PPARGC1A: variants seen among roughly 807,000 people sequenced by gnomAD.
The protein encoded by PPARGC1A is peroxisome proliferator-activated receptor gamma coactivator 1-alpha.
PPARGC1A carries 25 observed loss-of-function variants against 88.7 expected under a neutral mutation model. The observed-to-expected ratio is 0.28, with a 90% confidence interval of 0.21 to 0.39. The LOEUF (loss-of-function observed/expected upper bound fraction) is 0.39, where lower values mean the gene tolerates loss of function less well. PPARGC1A is among the 10% of genes least tolerant of loss of function. PPARGC1A has a pLI of 1.00. For synonymous variants in PPARGC1A, 363 were observed against 355.6 expected (o/e 1.02, Z -0.24); for missense variants, 880 against 968.7 (o/e 0.91, Z 1.22).
At chr4:23,812,610 T>C in intron 10 of PPARGC1A, 137 bp downstream of exon 10, 1 of 1,377,586 alleles carries the variant, frequency 7.3e-7, no homozygotes, top group Non-Finnish European at 9.8e-7. Context: ...TATGGATATT[T>C]TAAAGCCAAA....
the PPARGC1A span, among the ~76,000 whole-genome samples, chr4:24,222,471 G>A: frequency 6.6e-6 from 1 of 152,198 alleles, no homozygotes. Context: ...CGTATACAAA[G>A]TGATTGCGAT....
At chr4:24,397,785 G>T in the PPARGC1A span, among the ~76,000 whole-genome samples, 1 of 152,202 alleles carries the variant, frequency 6.6e-6, no homozygotes, top group Non-Finnish European at 1.5e-5. Flanking sequence ...GACAACATAA[G>T]TATTAATAGC....
the PPARGC1A span, among the ~76,000 whole-genome samples, chr4:24,010,269 T>C: frequency 6.6e-6 from 1 of 152,206 alleles, no homozygotes; most frequent in South Asian, 2.1e-4. Context: ...AATAAACTAC[T>C]TATTCCAGTA....
chr4:24,039,315 C>G, the PPARGC1A span, among the ~76,000 whole-genome samples: 1 of 152,172 alleles, frequency 6.6e-6, no homozygotes, highest in South Asian at 2.1e-4. Context: ...TGAAAACACA[C>G]AATTGCAAGG....
chr4:24,038,179 T>C, the PPARGC1A span, among the ~76,000 whole-genome samples: 1 of 152,308 alleles, frequency 6.6e-6, no homozygotes, highest in East Asian at 1.9e-4. Flanking sequence ...ATGCATGACC[T>C]TGTAGAGCAA....
At chr4:24,455,129 G>A in the PPARGC1A span, among the ~76,000 whole-genome samples, 1 of 152,164 alleles carries the variant, frequency 6.6e-6, no homozygotes. Context: ...GAATTATAAA[G>A]TCATTGCCAG....
At chr4:24,060,208 A>T in the PPARGC1A span, among the ~76,000 whole-genome samples, 3 of 152,198 alleles carry the variant, frequency 2.0e-5, no homozygotes, top group African/African-American at 7.2e-5. Flanking sequence ...AACCAAAGAG[A>T]CAATAAACAA....
the PPARGC1A span, among the ~76,000 whole-genome samples, chr4:24,435,663 T>C: frequency 6.6e-6 from 1 of 152,194 alleles, no homozygotes; most frequent in Non-Finnish European, 1.5e-5. Flanking sequence ...GCTGGCACAT[T>C]TTCAGCACCC....
At chr4:24,339,237 T>TATACACAC in the PPARGC1A span, among the ~76,000 whole-genome samples, 1 of 104,266 alleles carries the variant, frequency 9.6e-6, no homozygotes, top group Non-Finnish European at 1.9e-5. Context: ...TATATATATA[T>TATACACAC]ACACACACAC....
At chr4:24,067,605 G>A in the PPARGC1A span, among the ~76,000 whole-genome samples, 6 of 152,188 alleles carry the variant, frequency 3.9e-5, no homozygotes, top group Non-Finnish European at 2.9e-5. Flanking sequence ...GTGAGCTTCG[G>A]AGGCACAGGT....
the PPARGC1A span, among the ~76,000 whole-genome samples, chr4:24,034,868 T>G: frequency 6.6e-6 from 1 of 152,240 alleles, no homozygotes; most frequent in Non-Finnish European, 1.5e-5. Context: ...CATCGACAGC[T>G]GGTCTCAAGT....
chr4:24,120,084 C>T, the PPARGC1A span, among the ~76,000 whole-genome samples: 1 of 152,228 alleles, frequency 6.6e-6, no homozygotes, highest in Non-Finnish European at 1.5e-5. Flanking sequence ...AGCAACATTG[C>T]ATATTTGGTC....
chr4:24,095,640 T>C, the PPARGC1A span, among the ~76,000 whole-genome samples: 1 of 152,102 alleles, frequency 6.6e-6, no homozygotes, highest in South Asian at 2.1e-4. Context: ...AGAGAGGCAG[T>C]GTCCTAGTCC....
the PPARGC1A span, among the ~76,000 whole-genome samples, chr4:24,271,979 C>T: frequency 1.3e-5 from 2 of 152,174 alleles, no homozygotes; most frequent in Non-Finnish European, 2.9e-5. Flanking sequence ...TCCTGGTCTT[C>T]ATAAAAGTGA....
chr4:23,950,367 G>GCCCA, the PPARGC1A span, among the ~76,000 whole-genome samples: 3 of 151,950 alleles, frequency 2.0e-5, no homozygotes, highest in African/African-American at 7.3e-5. Flanking sequence ...TTGACAAAAA[G>GCCCA]GTACATCATT....
chr4:24,327,523 TC>T, the PPARGC1A span, among the ~76,000 whole-genome samples: 206 of 152,230 alleles, frequency 1.4e-3, no homozygotes, highest in Admixed American at 3.1e-3. Flanking sequence ...TACCTGTTTT[TC>T]TCCTTCTCTT....
At chr4:23,833,053 A>C (rs1035450704) in intron 2 of PPARGC1A, among the ~76,000 whole-genome samples, 1 of 152,236 alleles carries the variant, frequency 6.6e-6, no homozygotes, top group Non-Finnish European at 1.5e-5. Context: ...TGTGCCAGGG[A>C]CATCTGAAGT....
the PPARGC1A span, among the ~76,000 whole-genome samples, chr4:24,364,564 C>T: frequency 1.3e-5 from 2 of 152,090 alleles, no homozygotes; most frequent in African/African-American, 4.8e-5. Flanking sequence ...AATAGCCAAG[C>T]CTTTTTTCTA....
chr4:24,380,843 C>T, the PPARGC1A span, among the ~76,000 whole-genome samples: 7 of 151,766 alleles, frequency 4.6e-5, no homozygotes, highest in Non-Finnish European at 1.0e-4. Context: ...TGGATCTGGG[C>T]AAAAAGCCAG....
Sources: allele counts gnomAD v4.1 joint callset (sites outside exome capture counted in the v4.1 genomes callset), GRCh38; gene constraint gnomAD v4.1.1; transcripts MANE v1.5; gene names NCBI Gene and HGNC (gene_info 2026-07-23, HGNC 2026-07-21).